Variants in PID1 observed in about 807,000 individuals in gnomAD.
PID1 encodes phosphotyrosine interaction domain containing 1, also known as PTB-containing, cubilin and LRP1-interacting protein.
PID1 carries 10 observed loss-of-function variants against 19.1 expected under a neutral mutation model. That is an observed-to-expected ratio of 0.52 (90% CI 0.32 to 0.89). The LOEUF is 0.89. Ranked by LOEUF, PID1 falls within the 40% of genes least tolerant of loss-of-function variation. The probability of loss-of-function intolerance (pLI) is 0.03; values close to 1 mark genes in which losing one functional copy is unlikely to be tolerated. For missense variants in PID1, 248 were observed against 285.3 expected (o/e 0.87, Z 0.94); for synonymous variants, 130 against 116.0 (o/e 1.12, Z -0.78).
At chr2:229,172,934 T>C (rs1290824770) in intron 1 of PID1, among the ~76,000 whole-genome samples, 8 of 152,092 alleles carry the variant, frequency 5.3e-5, no homozygotes, top group Non-Finnish European at 8.8e-5. Context: ...GATTTCACCA[T>C]GTTGGCCAGG....
intron 2 of PID1, among the ~76,000 whole-genome samples, chr2:229,063,245 A>G (rs1287435161): frequency 2.6e-5 from 4 of 151,210 alleles, no homozygotes. Flanking sequence ...TTCTTTTTTG[A>G]TGTAGGCATT....
At chr2:229,204,666 T>C (rs1288460654) in intron 1 of PID1, among the ~76,000 whole-genome samples, 3 of 152,036 alleles carry the variant, frequency 2.0e-5, no homozygotes. Flanking sequence ...CTGTATACTG[T>C]ACAACGGAAT....
chr2:229,059,132 C>CA (rs1316047190), intron 2 of PID1, among the ~76,000 whole-genome samples: 2 of 151,804 alleles, frequency 1.3e-5, no homozygotes, highest in South Asian at 2.1e-4. Context: ...GGACAAAATA[C>CA]AAAAAAACGA....
intron 1 of PID1, chr2:229,262,700 G>A (rs1176147712): frequency 1.3e-6 from 2 of 1,551,406 alleles, no homozygotes; most frequent in East Asian, 2.4e-5. Flanking sequence ...GAGGCTGGAA[G>A]TCCAAAATGT....
chr2:229,056,196 A>G (rs898415537), intron 2 of PID1, among the ~76,000 whole-genome samples: 18 of 152,204 alleles, frequency 1.2e-4, no homozygotes, highest in African/African-American at 3.4e-4. Context: ...GAATATTAAC[A>G]AGAGTATAAA....
chr2:229,098,661 C>G (rs1559232010), intron 2 of PID1, among the ~76,000 whole-genome samples: 3 of 152,132 alleles, frequency 2.0e-5, no homozygotes, highest in Admixed American at 1.3e-4. Flanking sequence ...CTTTCTCAAC[C>G]CATTGTCTAC....
At chr2:229,133,965 A>AG (rs1689801920) in intron 2 of PID1, among the ~76,000 whole-genome samples, 1 of 151,014 alleles carries the variant, frequency 6.6e-6, no homozygotes, top group Non-Finnish European at 1.5e-5. Context: ...AACTAGGGAG[A>AG]GAAGGATACA....
chr2:229,044,372 C>T (rs190385052), intron 2 of PID1, among the ~76,000 whole-genome samples: 1 of 152,048 alleles, frequency 6.6e-6, no homozygotes, highest in African/African-American at 2.4e-5. Flanking sequence ...CTGCCCATCC[C>T]ACCAAGAAAA....
intron 1 of PID1, among the ~76,000 whole-genome samples, chr2:229,218,293 C>CAAA (rs67801043): frequency 4.4e-4 from 30 of 67,568 alleles, no homozygotes; most frequent in African/African-American, 7.7e-4. Flanking sequence ...GTTTCCTGAG[C>CAAA]AAAAAAAAAA....
At chr2:229,158,694 T>C (rs1690431068) in intron 1 of PID1, among the ~76,000 whole-genome samples, 1 of 152,108 alleles carries the variant, frequency 6.6e-6, no homozygotes, top group Non-Finnish European at 1.5e-5. Flanking sequence ...TGGTATGGTT[T>C]ATGAAACAAA....
Position 229,139,905 on chromosome 2 carries a change from T to C in PID1, c.177+15913A>G, listed in dbSNP as rs1349499567. On this transcript the variant is annotated intron_variant, in intron 2 of 2. Transcript: ENST00000392055. The stretch of plus-strand genomic sequence containing the variant: ...ATATCACTTGGTCTGATAGGTCTAG[T>C]TTTTCTCACCCTCCACATGGGGGCC... Among the ~76,000 whole-genome samples, 10 of 152,208 alleles carry C rather than the reference T, an allele frequency of 6.6e-5. No homozygotes were observed. The South Asian group carries it at 1.9e-3, about 28-fold the overall frequency.
intron 2 of PID1, among the ~76,000 whole-genome samples, chr2:229,107,656 G>A (rs1332482484): frequency 6.6e-6 from 1 of 152,156 alleles, no homozygotes; most frequent in African/African-American, 2.4e-5. Context: ...TAATCAAGTT[G>A]TCGACGGTGC....
At chr2:229,087,628 T>C (rs1694794709) in intron 2 of PID1, among the ~76,000 whole-genome samples, 1 of 152,172 alleles carries the variant, frequency 6.6e-6, no homozygotes, top group Non-Finnish European at 1.5e-5. Flanking sequence ...TGCCATTGAG[T>C]AACGAAGTCT....
chr2:229,179,151 C>T (rs537376549), intron 1 of PID1, among the ~76,000 whole-genome samples: 2 of 152,160 alleles, frequency 1.3e-5, no homozygotes, highest in Non-Finnish European at 2.9e-5. Flanking sequence ...AATTCTGTGT[C>T]TCCTCATACT....
At chr2:229,236,119 C>T (rs1275916551) in intron 1 of PID1, among the ~76,000 whole-genome samples, 3 of 151,490 alleles carry the variant, frequency 2.0e-5, no homozygotes, top group Admixed American at 6.6e-5. Flanking sequence ...AGTCTACCAA[C>T]GACTTACTCT....
chr2:229,125,065 A>G (rs901969361), intron 2 of PID1, among the ~76,000 whole-genome samples: 6 of 152,230 alleles, frequency 3.9e-5, no homozygotes, highest in Admixed American at 6.5e-5. Context: ...TCCAGGTATC[A>G]GGATGATCAG....
chr2:229,144,977 C>T lies in PID1; in HGVS notation c.177+10841G>A, dbSNP rs376766456. Among the ~76,000 whole-genome samples the T allele has an allele frequency of 1.3e-4, 20 of 151,692 alleles. No homozygotes were observed. The East Asian group carries it at 2.1e-3, about 16-fold the overall frequency. On this transcript the variant is annotated intron_variant, in intron 2 of 2. Transcript: ENST00000392055. ...CACCGTCTATCTTGTTTAATGCTTT[C>T]GTACCTAAAGTATATTTTTTTCATT...
At chr2:229,145,321 C>A (rs962054111) in intron 2 of PID1, among the ~76,000 whole-genome samples, 6 of 151,416 alleles carry the variant, frequency 4.0e-5, no homozygotes, top group African/African-American at 1.5e-4. Flanking sequence ...CACTGGAAAC[C>A]ATAAGGCACA....
chr2:229,228,234 C>T (rs1419945), intron 1 of PID1, among the ~76,000 whole-genome samples: 45,394 of 152,038 alleles, frequency 0.3, 7,276 homozygotes, highest in East Asian at 0.66. Context: ...CCTACTTGTT[C>T]ATATGACTAT....
Sources: allele counts gnomAD v4.1 joint callset (sites outside exome capture counted in the v4.1 genomes callset), GRCh38; gene constraint gnomAD v4.1.1; transcripts MANE v1.5; gene names NCBI Gene and HGNC (gene_info 2026-07-23, HGNC 2026-07-21).